The following SPNS2 variants were observed in gnomAD, a reference collection of about 807,000 sequenced individuals.
SPNS2 encodes the protein sphingosine-1-phosphate transporter SPNS2.
Under a neutral mutation model 57.6 loss-of-function variants are expected in SPNS2, and 37 were observed. That is an observed-to-expected ratio of 0.64 (90% CI 0.49 to 0.85). SPNS2 has a LOEUF of 0.85. Ranked by LOEUF, SPNS2 falls within the 40% of genes least tolerant of loss-of-function variation. The probability of loss-of-function intolerance (pLI) is 0.00; values close to 1 mark genes in which losing one functional copy is unlikely to be tolerated. For synonymous variants in SPNS2, 440 were observed against 346.9 expected (o/e 1.27, Z -2.98); for missense variants, 831 against 779.1 (o/e 1.07, Z -0.79).
intron 9 of SPNS2, among the ~76,000 whole-genome samples, chr17:4,535,120 A>C (rs1292299139): frequency 6.6e-6 from 1 of 152,244 alleles, no homozygotes; most frequent in East Asian, 1.9e-4. Context: ...AGCTCGGGGA[A>C]CAGGGGCTGC....
At chr17:4,525,333 G>C in intron 3 of SPNS2, 140 bp downstream of exon 3, 1 of 1,250,070 alleles carries the variant, frequency 8.0e-7, no homozygotes, top group South Asian at 1.5e-5. Flanking sequence ...CAGTGCAGAA[G>C]GACAGGTGGT....
Position 4,536,914 on chromosome 17 carries a change from C to CGT in SPNS2, c.1623_1624insTG (p.Met542Ter), listed in dbSNP as rs765624724. On this transcript the variant is annotated frameshift_variant, in exon 12 of 13. Transcript: ENST00000329078. LOFTEE classifies it high-confidence loss of function. ...CTCTCCCCCAGGGTGAACCAGCTGGCGATGCCGCCCGCATCTGTGAAAGTC... is the reference window on the plus strand; with the variant it reads ...CTCTCCCCCAGGGTGAACCAGCTGGCGTGATGCCGCCCGCATCTGTGAAAGTC... 2 of 1,613,306 alleles carry CGT rather than the reference C, an allele frequency of 1.2e-6. No individual in the cohort carries two copies. The highest frequency in any genetic ancestry group is 1.7e-5 in the Admixed American group (1 of 59,918).
Position 4,538,157 on chromosome 17 carries a change from G to C in SPNS2, c.*709G>C, listed in dbSNP as rs574174067. 7 of 283,422 alleles carry C rather than the reference G, an allele frequency of 2.5e-5. No individual in the cohort carries two copies. The East Asian group carries it at 6.1e-4, about 25-fold the overall frequency. 17.6% of individuals were successfully genotyped at this position (283,422 alleles called of 1,614,324 possible). ...ATCACCAGGGGTGAAGGCCCTGGCT[G>C]CAGCTGTACACCACCTGTGCCCCCA... is the stretch of plus-strand genomic sequence containing the variant. On this transcript the variant is annotated 3_prime_UTR_variant, in exon 13 of 13. Transcript: ENST00000329078.
chr17:4,538,972 G>C lies in SPNS2; in HGVS notation c.*1524G>C, dbSNP rs1906055813. 2.5e-6 allele frequency: 2 copies of C among 790,592 alleles called. No homozygotes were observed. The highest frequency in any genetic ancestry group is 4.7e-6 in the Non-Finnish European group (2 of 427,016). 49.0% of individuals were successfully genotyped at this position (790,592 alleles called of 1,614,324 possible). On this transcript the variant is annotated 3_prime_UTR_variant, in exon 13 of 13. Transcript: ENST00000329078. ...TTAGAGCTGCTGATTGTGAATCTCA[G>C]AGTCTTAAGAGAGAAGCCAAATATA...
In SPNS2 at chr17:4,538,660, A is replaced by G. The variant is rs1370524353; in HGVS notation, c.*1212A>G. On this transcript the variant is annotated 3_prime_UTR_variant, in exon 13 of 13. Coordinates refer to ENST00000329078, the MANE Select transcript of SPNS2 (RefSeq NM_001124758.3). ...GGTGGGGGGTGAGGCCTTGTGGCCA[A>G]TGGGGGACCCCCCAAGAGCCAGCTT... 7 of 524,530 alleles carry G rather than the reference A, an allele frequency of 1.3e-5. No homozygotes were observed. The highest frequency in any genetic ancestry group is 6.8e-5 in the Admixed American group (2 of 29,292). 32.5% of individuals were successfully genotyped at this position (524,530 alleles called of 1,614,324 possible).
At chr17:4,506,230 G>A (rs1020962930) in intron 1 of SPNS2, among the ~76,000 whole-genome samples, 6 of 152,166 alleles carry the variant, frequency 3.9e-5, no homozygotes, top group East Asian at 1.9e-4. Flanking sequence ...GTCCCTGGCC[G>A]CCTTGGCTAC....
chr17:4,534,280 A>G (rs555108048), intron 9 of SPNS2: 2 of 249,030 alleles, frequency 8.0e-6, no homozygotes, highest in Non-Finnish European at 8.0e-6. Context: ...TCACAGGGCC[A>G]ACAATGGGCT....
chr17:4,535,472 T>G (rs1456591272), intron 9 of SPNS2, among the ~76,000 whole-genome samples: 1 of 152,104 alleles, frequency 6.6e-6, no homozygotes, highest in Non-Finnish European at 1.5e-5. Flanking sequence ...AACATGTGCC[T>G]CTCTAGACCT....
At chr17:4,518,644 C>T (rs924747599) in intron 2 of SPNS2, among the ~76,000 whole-genome samples, 31 of 152,322 alleles carry the variant, frequency 2.0e-4, no homozygotes, top group African/African-American at 7.5e-4. Flanking sequence ...GGTTTGTAGG[C>T]TCACGAGGAA....
At chr17:4,502,279 C>T (rs1904539687) in intron 1 of SPNS2, among the ~76,000 whole-genome samples, 1 of 151,724 alleles carries the variant, frequency 6.6e-6, no homozygotes, top group Admixed American at 6.6e-5. Context: ...ACTCGGGAGG[C>T]TGAGGCAGGA....
chr17:4,523,422 C>T (rs560956593), intron 2 of SPNS2, among the ~76,000 whole-genome samples: 3 of 151,916 alleles, frequency 2.0e-5, no homozygotes, highest in South Asian at 2.1e-4. Context: ...GCCTGAGCAA[C>T]GGAGCAAGAC....
rs1380113227 is a variant in SPNS2, at chr17:4,537,589, G to A, written c.*141G>A. 8.8e-6 allele frequency: 4 copies of A among 456,444 alleles called. No individual in the cohort carries two copies. The highest frequency in any genetic ancestry group is 1.5e-5 in the South Asian group (1 of 64,562). 28.3% of individuals were successfully genotyped at this position (456,444 alleles called of 1,614,324 possible). Reference sequence around the variant, plus strand: ...CACCCACCCTCTCTGGCCCAGGCCTGCTGAGTGGCCCTGGCATCAAGAAGA... The same window carrying A: ...CACCCACCCTCTCTGGCCCAGGCCTACTGAGTGGCCCTGGCATCAAGAAGA... On this transcript the variant is annotated 3_prime_UTR_variant, in exon 13 of 13. Transcript: ENST00000329078.
chr17:4,499,541 C>G lies in SPNS2; in HGVS notation c.370+124C>G. The stretch of plus-strand genomic sequence containing the variant: ...GCTATCTCCAGGCCCTACGTGAGGT[C>G]CCTACGGACCCTCTGCTCAGGCACA... On this transcript the variant is annotated intron_variant, in intron 1 of 12. Transcript: ENST00000329078. The surrounding 1 kb of genome is among the most constrained non-coding windows in gnomAD (Gnocchi z 5.2). 1.8e-6 allele frequency: 1 copy of G among 546,148 alleles called. No individual in the cohort carries two copies. The highest frequency in any genetic ancestry group is 2.9e-6 in the Non-Finnish European group (1 of 344,578). 33.8% of individuals were successfully genotyped at this position (546,148 alleles called of 1,614,324 possible). A position where few individuals can be genotyped will look rare whatever the true frequency, so the allele number is the denominator to read the frequency against.
At position 4,537,434 on chromosome 17, in the gene SPNS2, C is replaced by G. The variant is rs1171191064; in HGVS notation, c.*5-19C>G. On this transcript the variant is annotated intron_variant, in intron 12 of 12. Coordinates refer to ENST00000329078, the MANE Select transcript of SPNS2 (RefSeq NM_001124758.3). ...GGCCCCACTAAGCCCCACTGCTGAC[C>G]TGACACCCCTTTCCCCAGGTGCCAT... The G allele has an allele frequency of 4.5e-6, 2 of 443,046 alleles. No individual in the cohort carries two copies. The highest frequency in any genetic ancestry group is 2.0e-5 in the African/African-American group (1 of 49,934). 27.4% of individuals were successfully genotyped at this position (443,046 alleles called of 1,614,324 possible). A position where few individuals can be genotyped will look rare whatever the true frequency, so the allele number is the denominator to read the frequency against.
At position 4,536,377 on chromosome 17, in the gene SPNS2, C is replaced by G; in HGVS notation, c.1558C>G (p.Leu520Val). 6.2e-7 allele frequency: 1 copy of G among 1,608,496 alleles called. No homozygotes were observed. Among genetic ancestry groups the G allele is most frequent in the Non-Finnish European group, 8.5e-7 (1 of 1,179,884 alleles). The change falls in exon 11 of 13, where the codon CTC (leucine) becomes GTC (valine). Residue 520 changes from leucine (L) to valine (V), a missense_variant. Around this residue, in one of 2 missense-constraint regions of SPNS2, gnomAD observed 526 missense variants for 400.9 expected, o/e 1.31. Transcript: ENST00000329078. ...CGTGGTCCTGGGCGGCATGTTCTTC[C>G]TCGCCACTGCGCTCTTCTTCGTCAG... is the stretch of plus-strand genomic sequence containing the variant. ...FVVVLGGMFF[L>V]ATALFFVSDR...
intron 2 of SPNS2, among the ~76,000 whole-genome samples, chr17:4,520,505 A>C (rs1346623876): frequency 6.6e-6 from 1 of 151,738 alleles, no homozygotes; most frequent in Non-Finnish European, 1.5e-5. Context: ...GGGTGGAGAG[A>C]GCGCGCTGTG....
At chr17:4,534,695 T>C (rs959470815) in intron 9 of SPNS2, among the ~76,000 whole-genome samples, 18 of 152,074 alleles carry the variant, frequency 1.2e-4, no homozygotes, top group African/African-American at 4.3e-4. Context: ...GGTGGCTCTG[T>C]GTCCTCCCGA....
Position 4,538,274 on chromosome 17 carries a change from C to A in SPNS2, c.*826C>A. Reference sequence around the variant, plus strand: ...CCCAAGCCAGGACCCCACTCCTTCCCCGAGGCTGAGCTGAGCCTTTTCCAG... The same window carrying A: ...CCCAAGCCAGGACCCCACTCCTTCCACGAGGCTGAGCTGAGCCTTTTCCAG... On this transcript the variant is annotated 3_prime_UTR_variant, in exon 13 of 13. Coordinates refer to ENST00000329078, the MANE Select transcript of SPNS2 (RefSeq NM_001124758.3). The A allele has an allele frequency of 5.2e-6, 1 of 190,706 alleles. No individual in the cohort carries two copies. 11.8% of individuals were successfully genotyped at this position (190,706 alleles called of 1,614,324 possible).
chr17:4,526,210 C>T (rs527254886), intron 3 of SPNS2, among the ~76,000 whole-genome samples: 19 of 152,250 alleles, frequency 1.2e-4, no homozygotes, highest in Admixed American at 5.9e-4. Flanking sequence ...GTGGCGTTTG[C>T]GCTGGGCAGG....
Sources: allele counts gnomAD v4.1 joint callset (sites outside exome capture counted in the v4.1 genomes callset), GRCh38; gene constraint gnomAD v4.1.1; regional missense constraint gnomAD v4.1.1; non-coding constraint Gnocchi (gnomAD v3.1); transcripts MANE v1.5; gene names NCBI Gene and HGNC (gene_info 2026-07-23, HGNC 2026-07-21).